The following SLC8A3 variants were observed in gnomAD, a reference collection of about 807,000 sequenced individuals.
SLC8A3 encodes solute carrier family 8 member A3.
A neutral mutation model predicts 65.4 loss-of-function variants in SLC8A3; 37 were observed. That is an observed-to-expected ratio of 0.57 (90% CI 0.44 to 0.74). SLC8A3 has a LOEUF of 0.74. Among genes scored for constraint, SLC8A3 ranks in the 30% least tolerant of loss-of-function variants. SLC8A3 has a pLI of 0.00. For synonymous variants in SLC8A3, 461 were observed against 444.5 expected, an observed-to-expected ratio of 1.04 and a Z score of -0.47; for missense variants, 1,112 against 1,172.1, an observed-to-expected ratio of 0.95 and a Z score of 0.75.
chr14:70,167,587 C>A lies in SLC8A3; in HGVS notation c.836G>T (p.Gly279Val). ...KHRGIIIETE[G>V]DHPKGIEMDG... ...CATCTCAATGCCCTTAGGGTGGTCA[C>A]CCTCTGTCTCTATGATAATTCCTCG... Residue 279 changes from glycine to valine, a missense_variant, in exon 2 of 7, where the codon GGT (glycine) becomes GTT (valine). Coordinates refer to ENST00000356921, the MANE Select transcript of SLC8A3 (RefSeq NM_182932.3). 6.2e-7 allele frequency: 1 copy of A among 1,614,104 alleles called. No homozygotes were observed. Among genetic ancestry groups the A allele is most frequent in the Non-Finnish European group, 8.5e-7 (1 of 1,180,026 alleles).
At chr14:70,160,955 C>T (rs1029112405) in intron 2 of SLC8A3, among the ~76,000 whole-genome samples, 2 of 150,616 alleles carry the variant, frequency 1.3e-5, no homozygotes, top group Non-Finnish European at 3.0e-5. Flanking sequence ...AAAAAGTTTA[C>T]ATAGCATGGT....
chr14:70,151,096 T>C (rs1181142408), intron 2 of SLC8A3, among the ~76,000 whole-genome samples: 2 of 151,428 alleles, frequency 1.3e-5, no homozygotes, highest in Non-Finnish European at 2.9e-5. Flanking sequence ...CTGCTAAAAG[T>C]ACAAAAAATT....
intron 2 of SLC8A3, among the ~76,000 whole-genome samples, chr14:70,158,906 C>T (rs2140335392): frequency 6.6e-6 from 1 of 152,276 alleles, no homozygotes; most frequent in South Asian, 2.1e-4. Flanking sequence ...GTGCTTTCCT[C>T]CATGGTTATT....
chr14:70,083,835 A>G (rs1313351766), intron 2 of SLC8A3, among the ~76,000 whole-genome samples: 1 of 152,190 alleles, frequency 6.6e-6, no homozygotes, highest in Non-Finnish European at 1.5e-5. Context: ...TTAATACTCT[A>G]TTCCTCTCTG....
chr14:70,176,851 G>A (rs1415288043), intron 1 of SLC8A3, among the ~76,000 whole-genome samples: 1 of 152,134 alleles, frequency 6.6e-6, no homozygotes, highest in Non-Finnish European at 1.5e-5. Context: ...GATGCTATTC[G>A]TCCATTTTCA....
chr14:70,051,435 G>T (rs563326254), intron 4 of SLC8A3, among the ~76,000 whole-genome samples: 1 of 152,082 alleles, frequency 6.6e-6, no homozygotes, highest in South Asian at 2.1e-4. Flanking sequence ...TGGGACCACA[G>T]GCATGTACAA....
At chr14:70,121,843 A>G (rs1354997426) in intron 2 of SLC8A3, among the ~76,000 whole-genome samples, 3 of 152,252 alleles carry the variant, frequency 2.0e-5, no homozygotes, top group South Asian at 4.1e-4. Context: ...AATTTGTGAA[A>G]AAAACAAACA....
At chr14:70,047,002 A>G (rs1384557598) in intron 6 of SLC8A3, 2 of 152,264 alleles carry the variant, frequency 1.3e-5, no homozygotes, top group Non-Finnish European at 2.9e-5. Flanking sequence ...GGTAAGAAAA[A>G]TAAGGGTCAA....
At chr14:70,050,822 A>C (rs2139717228) in intron 5 of SLC8A3, among the ~76,000 whole-genome samples, 186 bp downstream of exon 5, 1 of 152,306 alleles carries the variant, frequency 6.6e-6, no homozygotes, top group South Asian at 2.1e-4. Context: ...AACGATTTGA[A>C]ACCAGAGATA....
At chr14:70,087,350 T>G (rs1012345968) in intron 2 of SLC8A3, among the ~76,000 whole-genome samples, 1 of 152,174 alleles carries the variant, frequency 6.6e-6, no homozygotes, top group African/African-American at 2.4e-5. Context: ...CAACTTCCAT[T>G]TATCTTCTCA....
chr14:70,124,340 C>G (rs1458192328), intron 2 of SLC8A3, among the ~76,000 whole-genome samples: 2 of 152,226 alleles, frequency 1.3e-5, no homozygotes, highest in African/African-American at 4.8e-5. Flanking sequence ...TCTTCCCTCA[C>G]TCAGTCGCCA....
chr14:70,075,505 C>T (rs1328611876), intron 2 of SLC8A3, among the ~76,000 whole-genome samples: 4 of 152,148 alleles, frequency 2.6e-5, no homozygotes, highest in Admixed American at 2.0e-4. Flanking sequence ...CTGGCCTTCA[C>T]TTTTGCCTTC....
chr14:70,178,899 G>A (rs1359500624), intron 1 of SLC8A3, among the ~76,000 whole-genome samples: 1 of 152,174 alleles, frequency 6.6e-6, no homozygotes, highest in Non-Finnish European at 1.5e-5. Flanking sequence ...TCTTTAAAAT[G>A]TAAATCAGAT....
chr14:70,079,599 C>T (rs1046411508), intron 2 of SLC8A3, among the ~76,000 whole-genome samples: 1 of 152,182 alleles, frequency 6.6e-6, no homozygotes, highest in African/African-American at 2.4e-5. Flanking sequence ...CCTTTCTGCA[C>T]TGGTGTAAGT....
At chr14:70,170,487 C>G (rs919029234) in intron 1 of SLC8A3, among the ~76,000 whole-genome samples, 14 of 152,128 alleles carry the variant, frequency 9.2e-5, no homozygotes. Flanking sequence ...ATCATGGTAT[C>G]CTGAATGGTT....
chr14:70,068,768 T>TC (rs371157994), intron 2 of SLC8A3, among the ~76,000 whole-genome samples: 126 of 152,236 alleles, frequency 8.3e-4, no homozygotes, highest in African/African-American at 3.0e-3. Context: ...TCACTCTGTC[T>TC]CCAGGCTAGA....
chr14:70,163,391 CAT>C (rs1398022800), intron 2 of SLC8A3, among the ~76,000 whole-genome samples: 2 of 152,178 alleles, frequency 1.3e-5, no homozygotes, highest in Non-Finnish European at 2.9e-5. Flanking sequence ...TAAAACCAAA[CAT>C]GTGAATTCGT....
chr14:70,072,504 T>G (rs1338407335), intron 2 of SLC8A3, among the ~76,000 whole-genome samples: 1 of 152,012 alleles, frequency 6.6e-6, no homozygotes, highest in African/African-American at 2.4e-5. Flanking sequence ...ATCACAAAAT[T>G]TTATTCTCCC....
intron 5 of SLC8A3, among the ~76,000 whole-genome samples, chr14:70,050,383 G>A (rs1441097519): frequency 6.6e-6 from 1 of 152,164 alleles, no homozygotes; most frequent in African/African-American, 2.4e-5. Context: ...AGGCCAGGAG[G>A]CCTCAGTGGT....
Sources: gnomAD v4.1 joint callset for allele counts (sites outside exome capture counted in the v4.1 genomes callset) on GRCh38, gnomAD v4.1.1 for gene constraint, MANE v1.5 for transcripts, NCBI Gene and HGNC (gene_info 2026-07-23, HGNC 2026-07-21) for gene names.